PKP1: variants seen among roughly 807,000 people sequenced by gnomAD.
The protein encoded by PKP1 is plakophilin 1, also known as plakophilin-1.
A neutral mutation model predicts 76.4 loss-of-function variants in PKP1; 27 were observed. The ratio of observed to expected loss-of-function variants is 0.35; its 90% CI spans 0.26 to 0.49. PKP1 has a LOEUF of 0.49. PKP1 is among the 20% of genes least tolerant of loss of function. The pLI, the probability that PKP1 is intolerant of heterozygous loss-of-function variation, is 0.99. For missense variants in PKP1, 964 were observed against 955.2 expected, an observed-to-expected ratio of 1.01 and a Z score of -0.12; for synonymous variants, 404 against 384.2, an observed-to-expected ratio of 1.05 and a Z score of -0.60.
intron 2 of PKP1, among the ~76,000 whole-genome samples, chr1:201,294,321 G>T (rs1432954885): frequency 6.6e-6 from 1 of 152,170 alleles, no homozygotes; most frequent in Non-Finnish European, 1.5e-5. Flanking sequence ...TTTCCCAGTA[G>T]GTCTGATTTG....
chr1:201,310,771 A>G (rs1656525532), intron 2 of PKP1, among the ~76,000 whole-genome samples: 1 of 152,154 alleles, frequency 6.6e-6, no homozygotes, highest in Admixed American at 6.5e-5. Context: ...GTTCCCAGGA[A>G]TGGGTGACGC....
intron 2 of PKP1, among the ~76,000 whole-genome samples, chr1:201,295,510 G>C (rs1656046552): frequency 6.6e-6 from 1 of 152,196 alleles, no homozygotes; most frequent in South Asian, 2.1e-4. Flanking sequence ...AAATGGCTTA[G>C]GAATGCAGCA....
intron 1 of PKP1, among the ~76,000 whole-genome samples, chr1:201,289,567 T>C (rs532809648): frequency 7.0e-4 from 107 of 152,312 alleles, no homozygotes; most frequent in African/African-American, 2.5e-3. Flanking sequence ...GCCTTCTCTA[T>C]GTAGAACCTG....
chr1:201,284,750 T>C (rs1655678662), intron 1 of PKP1, among the ~76,000 whole-genome samples: 1 of 152,124 alleles, frequency 6.6e-6, no homozygotes. Context: ...AAGTGTCTCA[T>C]GGGGAGAGTA....
At chr1:201,311,817 C>T (rs1772855) in intron 2 of PKP1, among the ~76,000 whole-genome samples, 75,632 of 152,124 alleles carry the variant, frequency 0.5, 22,824 homozygotes, top group East Asian at 0.74. Flanking sequence ...TTATCATACT[C>T]GATGTTGATC....
In PKP1 at chr1:201,318,666, T is replaced by C. The variant is rs781048548; in HGVS notation, c.1103T>C (p.Ile368Thr). The change falls in exon 6 of 14, where the codon ATT becomes ACT. Residue 368 changes from isoleucine (I) to threonine (T), a missense_variant. Coordinates refer to ENST00000367324, the MANE Select transcript of PKP1 (RefSeq NM_001005337.3). ...SSTDELKEELIADALPVLADR... is the reference protein window; with the variant it reads ...SSTDELKEELTADALPVLADR... ...ACTGACGAGCTGAAGGAGGAACTCATTGCCGACGCCCTGCCTGTTCTGGCC... is the reference window on the plus strand; with the variant it reads ...ACTGACGAGCTGAAGGAGGAACTCACTGCCGACGCCCTGCCTGTTCTGGCC... 8 of 1,612,336 alleles carry C rather than the reference T, an allele frequency of 5.0e-6. No individual in the cohort carries two copies. The East Asian group carries it at 8.9e-5, about 18-fold the overall frequency.
In PKP1 at chr1:201,330,200, A is replaced by G. The variant is rs932456506; in HGVS notation, c.*159A>G. 2.1e-5 allele frequency: 3 copies of G among 139,756 alleles called. No individual in the cohort carries two copies. The highest frequency in any genetic ancestry group is 7.8e-5 in the African/African-American group (3 of 38,476). The allele number at this position is 139,756 out of a possible 1,614,324, so 8.7% of individuals were successfully genotyped here. On this transcript the variant is annotated 3_prime_UTR_variant, in exon 14 of 14. Coordinates refer to ENST00000367324, the MANE Select transcript of PKP1 (RefSeq NM_001005337.3). ...CCTAAAAACTGTGGATAGTGGAAAG[A>G]TTTTTAGATTTTTTTTTTCCTTGGG...
At chr1:201,293,902 C>A in intron 1 of PKP1, 40 bp from the exon 2 acceptor site, 1 of 1,340,374 alleles carries the variant, frequency 7.5e-7, no homozygotes, top group South Asian at 1.2e-5. Context: ...GGATGAAGAT[C>A]ATGGCCATCC....
chr1:201,326,084 A>G (rs2102187309), intron 12 of PKP1, among the ~76,000 whole-genome samples: 1 of 152,334 alleles, frequency 6.6e-6, no homozygotes, highest in South Asian at 2.1e-4. Flanking sequence ...AATGTGTGAG[A>G]GGCCTGGGGT....
chr1:201,328,729 T>C (rs934133031), intron 12 of PKP1, 33 bp from the exon 13 acceptor site: 12 of 1,602,534 alleles, frequency 7.5e-6, no homozygotes, highest in Non-Finnish European at 1.0e-5. Flanking sequence ...CACACAGTTT[T>C]GTGTCATTTG....
At chr1:201,310,629 G>A (rs1656520308) in intron 2 of PKP1, among the ~76,000 whole-genome samples, 2 of 152,352 alleles carry the variant, frequency 1.3e-5, no homozygotes, top group African/African-American at 4.8e-5. Context: ...GGGGAGGACG[G>A]GGTCTGAGAG....
In PKP1 at chr1:201,325,898, G is replaced by A. The variant is rs1009093726; in HGVS notation, c.2106+60G>A. Reference sequence around the variant, plus strand: ...CTTCCTGCTCATGAGCAGAGGGCCTGGCATATGCTGGGCTCTGGGCTGGGC... The same window carrying A: ...CTTCCTGCTCATGAGCAGAGGGCCTAGCATATGCTGGGCTCTGGGCTGGGC... On this transcript the variant is annotated intron_variant, in intron 12 of 13. Transcript: ENST00000367324. 15 of 1,289,222 alleles carry A rather than the reference G, an allele frequency of 1.2e-5. No homozygotes were observed. The African/African-American group carries it at 1.6e-4, about 14-fold the overall frequency. 79.9% of individuals were successfully genotyped at this position (1,289,222 alleles called of 1,614,324 possible). A position where few individuals can be genotyped will look rare whatever the true frequency, so the allele number is the denominator to read the frequency against.
rs750089705 is a variant in PKP1 at position 201,294,037 on chromosome 1, G to A, written c.298G>A (p.Gly100Arg). ...SKFQAGNGSW[G>R]YPIYNGTLKR... is the part of the protein sequence containing the mutation. ...GTTCCAGGCAGGGAATGGCTCATGG[G>A]GATATCCGGTAAGGAACTGCTTCCA... Residue 100 changes from glycine (G) to arginine (R), a missense_variant, in exon 2 of 14, where the codon GGA (glycine) becomes AGA (arginine). Transcript: ENST00000367324. 2 of 1,607,090 alleles carry A rather than the reference G, an allele frequency of 1.2e-6. No individual in the cohort carries two copies. Among genetic ancestry groups the A allele is most frequent in the Non-Finnish European group, 1.7e-6 (2 of 1,173,766 alleles).
At chr1:201,294,561 G>C (rs1407920069) in intron 2 of PKP1, among the ~76,000 whole-genome samples, 1 of 152,202 alleles carries the variant, frequency 6.6e-6, no homozygotes, top group Non-Finnish European at 1.5e-5. Flanking sequence ...TACTCACTGA[G>C]ATGTGGCTTT....
intron 2 of PKP1, among the ~76,000 whole-genome samples, chr1:201,297,957 C>T (rs1188575597): frequency 6.6e-6 from 1 of 152,186 alleles, no homozygotes; most frequent in East Asian, 1.9e-4. Flanking sequence ...ATAATTGAGA[C>T]ATGTCTTAAC....
In PKP1 at chr1:201,325,761, C is replaced by A; in HGVS notation, c.2029C>A (p.Pro677Thr). 1 of 1,613,876 alleles carries A rather than the reference C, an allele frequency of 6.2e-7. No individual in the cohort carries two copies. Among genetic ancestry groups the A allele is most frequent in the Non-Finnish European group, 8.5e-7 (1 of 1,179,772 alleles). The change falls in exon 12 of 14, where the codon CCC becomes ACC. Residue 677 changes from proline to threonine, a missense_variant. By Grantham distance (38) the Pro-to-Thr change is conservative (BLOSUM62 -1). Transcript: ENST00000367324. ...IINLCRSSAS[P>T]KAAEAARLLL... ...CACTTCTCACCTGCCCAGTGCCTCA[C>A]CCAAGGCCGCAGAAGCTGCCCGGCT...
At chr1:201,324,353 C>A (rs1295857401) in intron 9 of PKP1, 75 bp from the exon 10 acceptor site, 2 of 1,490,870 alleles carry the variant, frequency 1.3e-6, no homozygotes, top group Non-Finnish European at 1.9e-6. Flanking sequence ...GCCTTTGGGG[C>A]TCCTTGCCCC....
At chr1:201,322,158 G>A in intron 8 of PKP1, 25 bp downstream of exon 8, 2 of 1,605,528 alleles carry the variant, frequency 1.2e-6, no homozygotes, top group Non-Finnish European at 1.7e-6. Context: ...AGCAGGGCGG[G>A]GCCTGCCCCA....
chr1:201,309,845 G>C (rs1488934046), intron 2 of PKP1, among the ~76,000 whole-genome samples: 2 of 152,214 alleles, frequency 1.3e-5, no homozygotes, highest in East Asian at 3.8e-4. Flanking sequence ...TGCCATGCTT[G>C]GGACAGCCTA....
Sources: allele counts gnomAD v4.1 joint callset (sites outside exome capture counted in the v4.1 genomes callset), GRCh38; gene constraint gnomAD v4.1.1; transcripts MANE v1.5; gene names NCBI Gene and HGNC (gene_info 2026-07-23, HGNC 2026-07-21).